Variants in AP1G1 observed in about 807,000 individuals in gnomAD.
The protein encoded by AP1G1 is adaptor related protein complex 1 subunit gamma 1.
AP1G1 carries 7 observed loss-of-function variants against 108.3 expected under a neutral mutation model. That is an observed-to-expected ratio of 0.06 (90% confidence interval 0.04 to 0.12). The LOEUF is 0.12. AP1G1 is among the 10% of genes least tolerant of loss of function. The pLI is 1.00. For synonymous variants in AP1G1, 379 were observed against 353.5 expected, an observed-to-expected ratio of 1.07 and a Z score of -0.81; for missense variants, 756 against 1,010.7, an observed-to-expected ratio of 0.75 and a Z score of 3.42.
chr16:71,792,094 G>C (rs2032423848), intron 1 of AP1G1, among the ~76,000 whole-genome samples: 1 of 152,090 alleles, frequency 6.6e-6, no homozygotes, highest in Non-Finnish European at 1.5e-5. Context: ...GATGGCTGAA[G>C]GTAGTCTCAC....
At chr16:71,790,279 G>A (rs937947174) in intron 1 of AP1G1, among the ~76,000 whole-genome samples, 3 of 152,054 alleles carry the variant, frequency 2.0e-5, no homozygotes, top group Admixed American at 6.6e-5. Flanking sequence ...GGTGGCTCAC[G>A]CCTGTAATCC....
rs578143411 is a variant in AP1G1 at position 71,769,579 on chromosome 16, A to C, written c.642+44T>G. 692 of 1,536,626 alleles carry C rather than the reference A, an allele frequency of 4.5e-4. 9 individuals are homozygous for C. The South Asian group carries it at 5.7e-3, about 13-fold the overall frequency. On this transcript the variant is annotated intron_variant, in intron 6 of 22. Transcript: ENST00000299980. The stretch of plus-strand genomic sequence containing the variant: ...AAATCATGTACTTTTCAGGAAAATC[A>C]TTTTTCAATCAAGAAAGGCTTAGGC...
chr16:71,774,654 A>G, intron 2 of AP1G1, 62 bp from the exon 3 acceptor site: 1 of 1,516,944 alleles, frequency 6.6e-7, no homozygotes, highest in Non-Finnish European at 8.8e-7. Context: ...CTAGAAAAGC[A>G]GTGTTTTTAA....
intron 6 of AP1G1, among the ~76,000 whole-genome samples, chr16:71,767,675 G>A (rs2031371255): frequency 1.3e-5 from 2 of 152,196 alleles, no homozygotes; most frequent in Admixed American, 6.5e-5. Flanking sequence ...GAAATCCAAG[G>A]CTGACTTTGG....
At chr16:71,803,624 T>G (rs2142287597) in intron 1 of AP1G1, among the ~76,000 whole-genome samples, 1 of 152,178 alleles carries the variant, frequency 6.6e-6, no homozygotes, top group South Asian at 2.1e-4. Flanking sequence ...GAAAAAAACT[T>G]AACACGTATC....
chr16:71,780,255 C>T (rs1213471011), intron 2 of AP1G1, among the ~76,000 whole-genome samples: 1 of 152,020 alleles, frequency 6.6e-6, no homozygotes, highest in Admixed American at 6.6e-5. Flanking sequence ...TGGCCTCGTG[C>T]TGGGATTACA....
intron 1 of AP1G1, among the ~76,000 whole-genome samples, chr16:71,798,502 A>G (rs2142274867): frequency 6.6e-6 from 1 of 152,010 alleles, no homozygotes; most frequent in East Asian, 2.0e-4. Context: ...CCCAGCTGGA[A>G]TGGATTCTAA....
chr16:71,764,321 G>C lies in AP1G1; in HGVS notation c.918+29C>G, dbSNP rs113056637. On this transcript the variant is annotated intron_variant, in intron 9 of 22. Transcript: ENST00000299980. ...AACCATTCTAAGTGAAACATTTAGG[G>C]GGGGAAGAAAAGATTCAAAAAGACT... 157 of 1,364,676 alleles carry C rather than the reference G, an allele frequency of 1.2e-4. 1 individual carries two copies. In the South Asian group the frequency reaches 1.7e-3, roughly 15 times the overall value. The allele number at this position is 1,364,676 out of a possible 1,614,324, so 84.5% of individuals were successfully genotyped here.
intron 6 of AP1G1, among the ~76,000 whole-genome samples, chr16:71,768,986 A>AAAAC (rs2031456534): frequency 7.0e-6 from 1 of 143,820 alleles, no homozygotes; most frequent in African/African-American, 2.5e-5. Context: ...TACAAAAAAA[A>AAAAC]AAAAAAAAAA....
chr16:71,743,065 A>G (rs1190565177), intron 19 of AP1G1: 3 of 152,224 alleles, frequency 2.0e-5, no homozygotes, highest in Admixed American at 6.5e-5. Flanking sequence ...ACCTAAAATT[A>G]TAATTATGAA....
At chr16:71,747,676 C>A (rs9925712) in intron 16 of AP1G1, among the ~76,000 whole-genome samples, 5,703 of 152,098 alleles carry the variant, frequency 0.037, 358 homozygotes, top group African/African-American at 0.13. Flanking sequence ...TATTAGAAAT[C>A]TCATTCTAAA....
At position 71,779,773 on chromosome 16, in the gene AP1G1, T is replaced by C. The variant is rs191250395; in HGVS notation, c.202-5181A>G. 1.9e-3 allele frequency among the ~76,000 whole-genome samples: 292 copies of C among 152,260 alleles called. 2 individuals are homozygous for C. The highest frequency in any genetic ancestry group is 6.5e-3 in the African/African-American group (270 of 41,538). ...GCCATTTATCAGTGTTTAATCCGGT[T>C]ACCCCTGGATAAAAGCTGCACCTAT... On this transcript the variant is annotated intron_variant, in intron 2 of 22. Transcript: ENST00000299980.
chr16:71,761,596 T>G (rs1368032982), intron 9 of AP1G1, 29 bp from the exon 10 acceptor site: 36 of 1,548,854 alleles, frequency 2.3e-5, no homozygotes, highest in Non-Finnish European at 2.9e-5. Flanking sequence ...GGTCGAAATT[T>G]AGGAAAATGG....
At chr16:71,801,531 T>C (rs2032800849) in intron 1 of AP1G1, among the ~76,000 whole-genome samples, 1 of 152,190 alleles carries the variant, frequency 6.6e-6, no homozygotes, top group Non-Finnish European at 1.5e-5. Context: ...ACAGATGATG[T>C]AACACTACAG....
At chr16:71,797,321 G>A (rs1439855665) in intron 1 of AP1G1, among the ~76,000 whole-genome samples, 3 of 151,930 alleles carry the variant, frequency 2.0e-5, no homozygotes, top group Non-Finnish European at 4.4e-5. Context: ...TATATAGTCT[G>A]CTATCTTTCA....
intron 10 of AP1G1, 56 bp downstream of exon 10, chr16:71,761,456 C>G (rs1597055862): frequency 1.6e-6 from 2 of 1,247,574 alleles, no homozygotes; most frequent in Non-Finnish European, 2.4e-6. Context: ...CAGAATCGCT[C>G]TTAAAATACT....
In AP1G1 at chr16:71,731,141, T is replaced by C. The variant is rs528803817; in HGVS notation, c.*1917A>G. The C allele has an allele frequency of 7.9e-5, 12 of 152,682 alleles. No homozygotes were observed. In the South Asian group the frequency reaches 8.3e-4, roughly 11 times the overall value. The allele number at this position is 152,682 out of a possible 1,614,324, so 9.5% of individuals were successfully genotyped here. A position where few individuals can be genotyped will look rare whatever the true frequency, so the allele number is the denominator to read the frequency against. ...AGAAACCCTTAAAGGCTATTTTTCA[T>C]TGCACAGGCAGAGCAGTTGTCTGAA... On this transcript the variant is annotated 3_prime_UTR_variant, in exon 23 of 23. Coordinates refer to ENST00000299980, the MANE Select transcript of AP1G1 (RefSeq NM_001128.6).
At chr16:71,781,927 G>A (rs1243737293) in intron 2 of AP1G1, among the ~76,000 whole-genome samples, 3 of 152,144 alleles carry the variant, frequency 2.0e-5, no homozygotes, top group Non-Finnish European at 4.4e-5. Context: ...GCACCACTTA[G>A]AGCCAGTGGT....
chr16:71,790,125 G>A (rs1314496667), intron 1 of AP1G1, among the ~76,000 whole-genome samples: 1 of 150,750 alleles, frequency 6.6e-6, no homozygotes, highest in Middle Eastern at 3.4e-3. Context: ...GTTAATAAGG[G>A]ACATATAACA....
Sources: allele counts gnomAD v4.1 joint callset (sites outside exome capture counted in the v4.1 genomes callset), GRCh38; gene constraint gnomAD v4.1.1; transcripts MANE v1.5; gene names NCBI Gene and HGNC (gene_info 2026-07-23, HGNC 2026-07-21).